RBFOX1: variants seen among roughly 807,000 people sequenced by gnomAD.
RBFOX1 encodes the protein RNA binding protein fox-1 homolog 1.
Under a neutral mutation model 57.7 loss-of-function variants are expected in RBFOX1, and 8 were observed. The ratio of observed to expected loss-of-function variants is 0.14; its 90% CI spans 0.08 to 0.25. The LOEUF (loss-of-function observed/expected upper bound fraction) is 0.25, where lower values mean the gene tolerates loss of function less well. Among genes scored for constraint, RBFOX1 ranks in the 10% least tolerant of loss-of-function variants. The pLI, the probability that RBFOX1 is intolerant of heterozygous loss-of-function variation, is 1.00. For missense variants in RBFOX1, 611 were observed against 548.5 expected (o/e 1.11, Z -1.14); for synonymous variants, 326 against 222.4 (o/e 1.47, Z -4.15).
At chr16:7,315,544 A>T (rs1048070010) in intron 4 of RBFOX1, among the ~76,000 whole-genome samples, 7 of 150,848 alleles carry the variant, frequency 4.6e-5, no homozygotes, top group South Asian at 2.1e-4. Context: ...ATGCTTATAA[A>T]TTTTTTTAAC....
chr16:7,460,620 G>C (rs1598966876), intron 4 of RBFOX1, among the ~76,000 whole-genome samples: 1 of 150,914 alleles, frequency 6.6e-6, no homozygotes, highest in African/African-American at 2.4e-5. Context: ...ATGGGTACTA[G>C]GCTTAATATC....
At chr16:5,570,961 T>C (rs1246444506) in intron 2 of RBFOX1, among the ~76,000 whole-genome samples, 1 of 152,064 alleles carries the variant, frequency 6.6e-6, no homozygotes, top group Non-Finnish European at 1.5e-5. Context: ...TAGAAGGGGA[T>C]TTTATTCTTA....
intron 2 of RBFOX1, among the ~76,000 whole-genome samples, chr16:5,528,622 C>G (rs1324720492): frequency 1.5e-5 from 2 of 136,916 alleles, no homozygotes; most frequent in Admixed American, 1.6e-4. Flanking sequence ...ATCTTTCCTT[C>G]TCTCCTTCCT....
At chr16:6,997,162 TTAAA>T (rs1167782595) in intron 3 of RBFOX1, among the ~76,000 whole-genome samples, 8 of 152,146 alleles carry the variant, frequency 5.3e-5, no homozygotes, top group Admixed American at 1.3e-4. Flanking sequence ...TTAGCTGAAA[TTAAA>T]TAGAGAATTA....
chr16:7,297,169 G>A (rs2095911788), intron 4 of RBFOX1, among the ~76,000 whole-genome samples: 1 of 152,152 alleles, frequency 6.6e-6, no homozygotes, highest in African/African-American at 2.4e-5. Context: ...AGGAGGGAAG[G>A]CAGTTTGGGC....
chr16:6,892,284 G>C (rs1190040246), intron 3 of RBFOX1, among the ~76,000 whole-genome samples: 3 of 152,106 alleles, frequency 2.0e-5, no homozygotes, highest in African/African-American at 7.2e-5. Context: ...TTTTAGACAA[G>C]ACTCTTCGAC....
intron 14 of RBFOX1, among the ~76,000 whole-genome samples, chr16:7,706,894 A>C (rs563717768): frequency 6.6e-6 from 1 of 152,176 alleles, no homozygotes; most frequent in African/African-American, 2.4e-5. Flanking sequence ...GAGCTCTCTG[A>C]ATATATTATT....
At chr16:6,796,729 C>T (rs906158423) in intron 3 of RBFOX1, among the ~76,000 whole-genome samples, 1 of 152,204 alleles carries the variant, frequency 6.6e-6, no homozygotes, top group African/African-American at 2.4e-5. Context: ...CCTGGGTACA[C>T]ATTTATGATC....
At chr16:7,326,155 C>G (rs1371288650) in intron 4 of RBFOX1, among the ~76,000 whole-genome samples, 1 of 152,208 alleles carries the variant, frequency 6.6e-6, no homozygotes, top group Non-Finnish European at 1.5e-5. Flanking sequence ...TGAGCAACTA[C>G]TCTGTGCCCA....
intron 1 of RBFOX1, among the ~76,000 whole-genome samples, chr16:6,142,244 C>T (rs570357255): frequency 1.3e-4 from 15 of 113,050 alleles, no homozygotes; most frequent in African/African-American, 2.9e-4. Context: ...TTTTTGGAGA[C>T]GGAGTCTTGC....
Position 5,860,641 on chromosome 16 carries a change from G to C in RBFOX1, c.319-6662G>C, listed in dbSNP as rs189953538. Among the ~76,000 whole-genome samples, 28 of 152,308 alleles carry C rather than the reference G, an allele frequency of 1.8e-4. 1 individual carries two copies. Among genetic ancestry groups the C allele is most frequent in the Admixed American group, 1.7e-3 (26 of 15,300 alleles). ...ATAAGTTCCAAAATAGTGAGGTCCA[G>C]ATACCTCCCCAGGGCTAAAAGAGGA... On this transcript the variant is annotated intron_variant, in intron 3 of 19. Coordinates refer to the RBFOX1 transcript ENST00000641259.
At chr16:6,833,416 C>G (rs761160377) in intron 3 of RBFOX1, among the ~76,000 whole-genome samples, 7 of 152,126 alleles carry the variant, frequency 4.6e-5, no homozygotes, top group African/African-American at 1.7e-4. Context: ...ATCAACCTGC[C>G]TCGGCTTCCC....
chr16:6,451,976 A>C, intron 2 of RBFOX1, among the ~76,000 whole-genome samples: 1 of 117,616 alleles, frequency 8.5e-6, no homozygotes, highest in Non-Finnish European at 1.7e-5. Flanking sequence ...CCTTCCTTCC[A>C]TGACTCTATC....
At chr16:6,866,541 A>AATTTTTTTTTTTTTTT (rs761820657) in intron 3 of RBFOX1, among the ~76,000 whole-genome samples, 20 of 78,880 alleles carry the variant, frequency 2.5e-4, no homozygotes, top group African/African-American at 1.1e-3. Flanking sequence ...CTTTCCTTCT[A>AATTTTTTTTTTTTTTT]TTTTTTTTTT....
intron 3 of RBFOX1, among the ~76,000 whole-genome samples, chr16:6,832,235 A>C (rs1328545797): frequency 6.6e-6 from 1 of 152,218 alleles, no homozygotes; most frequent in Non-Finnish European, 1.5e-5. Flanking sequence ...GGAGTTTCTG[A>C]AGGGAACAAC....
intron 4 of RBFOX1, among the ~76,000 whole-genome samples, chr16:5,964,426 G>A (rs1197016739): frequency 6.6e-6 from 1 of 152,128 alleles, no homozygotes; most frequent in Non-Finnish European, 1.5e-5. Flanking sequence ...AGAGAGGACT[G>A]CACTTCCATG....
intron 3 of RBFOX1, among the ~76,000 whole-genome samples, chr16:5,631,579 T>G (rs2048509168): frequency 6.6e-6 from 1 of 152,066 alleles, no homozygotes; most frequent in Non-Finnish European, 1.5e-5. Flanking sequence ...AAAGTGTCTC[T>G]TCTATGTATC....
At chr16:6,127,244 C>T (rs905894836) in intron 1 of RBFOX1, among the ~76,000 whole-genome samples, 1 of 151,600 alleles carries the variant, frequency 6.6e-6, no homozygotes, top group Admixed American at 6.6e-5. Flanking sequence ...GCAGAACAAA[C>T]CTATTCCATA....
At chr16:6,859,570 A>G (rs1492375) in intron 3 of RBFOX1, among the ~76,000 whole-genome samples, 35,766 of 151,786 alleles carry the variant, frequency 0.24, 4,352 homozygotes, top group East Asian at 0.29. Context: ...CTGAATTTAG[A>G]TGAGCCACAC....
Sources: gnomAD v4.1 joint callset for allele counts (sites outside exome capture counted in the v4.1 genomes callset) on GRCh38, gnomAD v4.1.1 for gene constraint, MANE v1.5 for transcripts, NCBI Gene and HGNC (gene_info 2026-07-23, HGNC 2026-07-21) for gene names.